The following SNX8 variants were observed in gnomAD, a reference collection of about 807,000 sequenced individuals.
SNX8 encodes sorting nexin-8.
Under a neutral mutation model 51.6 loss-of-function variants are expected in SNX8, and 25 were observed. The observed-to-expected ratio is 0.48, with a 90% CI of 0.35 to 0.68. The LOEUF is 0.68. Ranked by LOEUF, SNX8 falls within the 30% of genes least tolerant of loss-of-function variation. The pLI, the probability that SNX8 is intolerant of heterozygous loss-of-function variation, is 0.00. For synonymous variants in SNX8, 324 were observed against 277.0 expected, an observed-to-expected ratio of 1.17 and a Z score of -1.68; for missense variants, 695 against 624.0, an observed-to-expected ratio of 1.11 and a Z score of -1.21.
chr7:2,283,008 C>A (rs1795942866), intron 1 of SNX8, among the ~76,000 whole-genome samples: 1 of 151,806 alleles, frequency 6.6e-6, no homozygotes, highest in African/African-American at 2.4e-5. Flanking sequence ...GTAGTCCCAG[C>A]TACTCGGGAG....
At chr7:2,338,469 A>G (rs1309365557) in intron 1 of SNX8, among the ~76,000 whole-genome samples, 2 of 151,500 alleles carry the variant, frequency 1.3e-5, no homozygotes, top group African/African-American at 4.8e-5. Context: ...CTCAAAAAAA[A>G]AAAAAAAATA....
At chr7:2,290,736 A>G (rs1342889175) in intron 1 of SNX8, among the ~76,000 whole-genome samples, 1 of 152,120 alleles carries the variant, frequency 6.6e-6, no homozygotes, top group African/African-American at 2.4e-5. Context: ...CACCAAGCAA[A>G]AGCTGCTGAC....
intron 1 of SNX8, among the ~76,000 whole-genome samples, chr7:2,293,354 G>A (rs971345705): frequency 6.6e-6 from 1 of 151,758 alleles, no homozygotes; most frequent in African/African-American, 2.4e-5. Flanking sequence ...AATGGCCAAT[G>A]AGCACCTGAA....
In SNX8 at chr7:2,271,832, C is replaced by G; in HGVS notation, c.540+18G>C. 6.3e-7 allele frequency: 1 copy of G among 1,591,274 alleles called. No homozygotes were observed. The highest frequency in any genetic ancestry group is 8.6e-7 in the Non-Finnish European group (1 of 1,169,106). ...GGACTCCCCGGGGCCGGGACATGGG[C>G]AGGGCAGACACACTCACCGAGCCGC... On this transcript the variant is annotated intron_variant, in intron 4 of 10. Transcript: ENST00000222990.
intron 8 of SNX8, 41 bp from the exon 9 acceptor site, chr7:2,257,555 C>T (rs373301992): frequency 6.3e-7 from 1 of 1,597,764 alleles, no homozygotes; most frequent in Non-Finnish European, 8.5e-7. Context: ...GTCTGGATGC[C>T]TGCGCCAGGG....
chr7:2,258,073 C>T (rs1015593549), intron 7 of SNX8, among the ~76,000 whole-genome samples: 10 of 150,316 alleles, frequency 6.7e-5, no homozygotes, highest in African/African-American at 7.4e-5. Context: ...TGCAGTGGCA[C>T]GATCTCGGCT....
At chr7:2,319,570 C>T (rs988691717) in intron 1 of SNX8, among the ~76,000 whole-genome samples, 4 of 152,136 alleles carry the variant, frequency 2.6e-5, no homozygotes, top group Non-Finnish European at 5.9e-5. Flanking sequence ...AATCCCAGCA[C>T]CTTGGGAGGC....
chr7:2,340,223 C>T (rs1029601694), intron 1 of SNX8, among the ~76,000 whole-genome samples: 2 of 151,676 alleles, frequency 1.3e-5, no homozygotes, highest in African/African-American at 2.4e-5. Flanking sequence ...CCACCATGCC[C>T]GGCTAATTTT....
At chr7:2,288,953 TCTCCAA>T (rs1207641638) in intron 1 of SNX8, among the ~76,000 whole-genome samples, 1 of 152,126 alleles carries the variant, frequency 6.6e-6, no homozygotes, top group African/African-American at 2.4e-5. Flanking sequence ...CTCAGGCTGG[TCTCCAA>T]CTCCGAGTCT....
chr7:2,319,345 A>T (rs1251027061), upstream of SNX8, among the ~76,000 whole-genome samples: 2 of 151,618 alleles, frequency 1.3e-5, no homozygotes, highest in African/African-American at 2.4e-5. Flanking sequence ...CTGCCTCAAA[A>T]AAAATAAAAT....
At chr7:2,289,166 G>T (rs912115676) in intron 1 of SNX8, among the ~76,000 whole-genome samples, 3 of 152,248 alleles carry the variant, frequency 2.0e-5, no homozygotes, top group Admixed American at 2.0e-4. Flanking sequence ...GGTGGGCGCC[G>T]CTGCGTGACT....
chr7:2,304,543 CAA>C (rs879907096), intron 1 of SNX8, among the ~76,000 whole-genome samples: 2 of 140,668 alleles, frequency 1.4e-5, no homozygotes, highest in African/African-American at 5.2e-5. Flanking sequence ...GACTCCATCT[CAA>C]AAAAAAAAAA....
In SNX8 at chr7:2,253,341, TG is replaced by T. The variant is rs1319011330; in HGVS notation, c.*1714del. 1 of 153,622 alleles carries T rather than the reference TG, an allele frequency of 6.5e-6. No individual in the cohort carries two copies. Among genetic ancestry groups the T allele is most frequent in the Non-Finnish European group, 1.5e-5 (1 of 68,476 alleles). 9.5% of individuals were successfully genotyped at this position (153,622 alleles called of 1,614,324 possible). On this transcript the variant is annotated 3_prime_UTR_variant, in exon 11 of 11. Transcript: ENST00000222990. ...CCCACAGCCTCTATGGTCCTGCAGC[TG>T]GACAGGCCCCAGGAAGGTGCGGGGT...
At chr7:2,353,823 T>A (rs989388420) in intron 1 of SNX8, among the ~76,000 whole-genome samples, 3 of 152,234 alleles carry the variant, frequency 2.0e-5, no homozygotes, top group African/African-American at 7.2e-5. Flanking sequence ...TTGGCAAGGC[T>A]GGTCTCCAAC....
chr7:2,279,484 GCTC>G (rs1418400582), intron 1 of SNX8, among the ~76,000 whole-genome samples: 50 of 152,296 alleles, frequency 3.3e-4, no homozygotes, highest in Admixed American at 7.2e-4. Flanking sequence ...AGGCACCATG[GCTC>G]ACGCCTGTAA....
At chr7:2,259,349 C>G (rs1419033017) in intron 7 of SNX8, among the ~76,000 whole-genome samples, 2 of 152,240 alleles carry the variant, frequency 1.3e-5, no homozygotes, top group Non-Finnish European at 2.9e-5. Context: ...TCAGTCCCCA[C>G]AGCTCACTGA....
intron 1 of SNX8, among the ~76,000 whole-genome samples, chr7:2,345,887 A>C (rs972507873): frequency 6.6e-6 from 1 of 151,952 alleles, no homozygotes; most frequent in South Asian, 2.1e-4. Context: ...AGCTCACTGC[A>C]ACTTCCACCT....
chr7:2,347,303 G>A (rs963164662), intron 1 of SNX8, among the ~76,000 whole-genome samples: 9 of 152,018 alleles, frequency 5.9e-5, no homozygotes, highest in East Asian at 1.9e-4. Flanking sequence ...CTAACACGGC[G>A]AAACCTGTTT....
intron 1 of SNX8, among the ~76,000 whole-genome samples, chr7:2,279,641 C>A (rs1795865247): frequency 6.6e-6 from 1 of 151,730 alleles, no homozygotes; most frequent in Non-Finnish European, 1.5e-5. Flanking sequence ...TTTTGCAGTC[C>A]CAGCTACTCG....
Sources: allele counts gnomAD v4.1 joint callset (sites outside exome capture counted in the v4.1 genomes callset), GRCh38; gene constraint gnomAD v4.1.1; transcripts MANE v1.5; gene names NCBI Gene and HGNC (gene_info 2026-07-23, HGNC 2026-07-21).